The following CPVL variants were observed in gnomAD, a reference collection of about 807,000 sequenced individuals.
CPVL encodes probable serine carboxypeptidase CPVL.
Under a neutral mutation model 63.7 loss-of-function variants are expected in CPVL, and 51 were observed. The observed-to-expected ratio is 0.80, with a 90% CI of 0.64 to 1.01. The LOEUF (loss-of-function observed/expected upper bound fraction) is 1.01. Ranked by LOEUF, CPVL falls within the 50% of genes least tolerant of loss-of-function variation. The pLI, the probability that CPVL is intolerant of heterozygous loss-of-function variation, is 0.00. For missense variants in CPVL, 530 were observed against 573.1 expected (o/e 0.92, Z 0.77); for synonymous variants, 195 against 206.0 (o/e 0.95, Z 0.46).
At chr7:29,141,085 T>G (rs1422216933) in intron 1 of CPVL, among the ~76,000 whole-genome samples, 1 of 152,168 alleles carries the variant, frequency 6.6e-6, no homozygotes, top group Non-Finnish European at 1.5e-5. Flanking sequence ...CTGCCAATTG[T>G]GCAACAACCA....
At chr7:29,107,484 TG>T in intron 3 of CPVL, among the ~76,000 whole-genome samples, 1 of 152,344 alleles carries the variant, frequency 6.6e-6, no homozygotes, top group South Asian at 2.1e-4. Context: ...ATGAGAGAAC[TG>T]AGGCCCAGAG....
chr7:29,061,830 C>A lies in CPVL; in HGVS notation c.1137+2231G>T, dbSNP rs144822499. 1.0e-2 allele frequency among the ~76,000 whole-genome samples: 1,512 copies of A among 151,854 alleles called. 31 individuals are homozygous for A. The highest frequency in any genetic ancestry group is 0.033 in the African/African-American group (1,376 of 41,348). On this transcript the variant is annotated intron_variant, in intron 11 of 12. Transcript: ENST00000265394. ...GCATGGTGGCACATGCCTATAATCCCAGCTACTTGAGAGGCTGAGGCAGGA... is the reference window on the plus strand; with the variant it reads ...GCATGGTGGCACATGCCTATAATCCAAGCTACTTGAGAGGCTGAGGCAGGA...
chr7:29,041,788 C>A (rs1484972541), intron 11 of CPVL, among the ~76,000 whole-genome samples: 1 of 152,080 alleles, frequency 6.6e-6, no homozygotes, highest in South Asian at 2.1e-4. Context: ...CTAAGATACA[C>A]ACAGGATTCT....
At chr7:29,095,609 C>G (rs1052336157) in intron 4 of CPVL, among the ~76,000 whole-genome samples, 1 of 142,730 alleles carries the variant, frequency 7.0e-6, no homozygotes, top group African/African-American at 2.6e-5. Flanking sequence ...AAAAAAAAAA[C>G]AAAATGAGAT....
At chr7:29,125,935 C>G (rs971405640) in intron 1 of CPVL, among the ~76,000 whole-genome samples, 5 of 152,210 alleles carry the variant, frequency 3.3e-5, no homozygotes, top group South Asian at 2.1e-4. Context: ...CTTGGTAAGA[C>G]AGTAACTTCT....
chr7:29,102,295 G>A (rs1225950261), intron 3 of CPVL, among the ~76,000 whole-genome samples: 20 of 152,092 alleles, frequency 1.3e-4, no homozygotes, highest in Non-Finnish European at 1.0e-4. Context: ...ACAGTGCCTG[G>A]CACATCTATT....
At chr7:29,116,049 C>T (rs772486669) in intron 2 of CPVL, among the ~76,000 whole-genome samples, 7 of 152,114 alleles carry the variant, frequency 4.6e-5, no homozygotes, top group Admixed American at 6.5e-5. Flanking sequence ...CCTTGGGACT[C>T]GGCATGCTGA....
intron 2 of CPVL, among the ~76,000 whole-genome samples, chr7:29,118,746 T>C (rs552631375): frequency 3.9e-5 from 6 of 152,282 alleles, no homozygotes; most frequent in East Asian, 3.9e-4. Context: ...CTTTATAGAG[T>C]ATTTAGATTT....
intron 12 of CPVL, among the ~76,000 whole-genome samples, chr7:29,016,619 ACGGGCCTGAGGGCTC>A (rs1786438626): frequency 6.6e-6 from 1 of 152,158 alleles, no homozygotes; most frequent in Non-Finnish European, 1.5e-5. Context: ...GTGGCAGACC[ACGGGCCTGAGGGCTC>A]CATATACTAA....
chr7:29,194,173 G>A (rs1342240848), intron 1 of CPVL: 2 of 150,624 alleles, frequency 1.3e-5, no homozygotes, highest in African/African-American at 4.9e-5. Context: ...GGCGCGGTGA[G>A]CCCCACCACC....
intron 3 of CPVL, among the ~76,000 whole-genome samples, chr7:29,102,645 G>T (rs1787268938): frequency 6.6e-6 from 1 of 152,160 alleles, no homozygotes; most frequent in African/African-American, 2.4e-5. Context: ...AGCAACAGAA[G>T]AGGGTCGGCC....
At chr7:29,101,092 G>A (rs62444088) in intron 3 of CPVL, among the ~76,000 whole-genome samples, 3,670 of 152,250 alleles carry the variant, frequency 0.024, 65 homozygotes, top group Non-Finnish European at 0.038. Context: ...TGTCAATTGT[G>A]AGAATGCAGC....
intron 1 of CPVL, among the ~76,000 whole-genome samples, chr7:29,123,180 C>G (rs960426635): frequency 6.6e-6 from 1 of 152,096 alleles, no homozygotes; most frequent in African/African-American, 2.4e-5. Flanking sequence ...TAACGACATG[C>G]TTATTACAAC....
At position 29,086,292 on chromosome 7, in the gene CPVL, T is replaced by TA. The variant is rs200152508; in HGVS notation, c.609+191dup. 8.8e-3 allele frequency among the ~76,000 whole-genome samples: 1,064 copies of TA among 121,596 alleles called. 16 individuals are homozygous for TA. Among genetic ancestry groups the TA allele is most frequent in the African/African-American group, 0.026 (981 of 38,208 alleles). 79.8% of individuals were successfully genotyped at this position (121,596 alleles called of 152,430 possible). A position where few individuals can be genotyped will look rare whatever the true frequency, so the allele number is the denominator to read the frequency against. On this transcript the variant is annotated intron_variant, in intron 7 of 12. Coordinates refer to ENST00000265394, the MANE Select transcript of CPVL (RefSeq NM_031311.5). ...TTGGCAACAAGAGCAAAACTCCAAC[T>TA]AAAAAAAAATATATATATATATGAA...
chr7:29,032,968 G>C (rs992671437), intron 11 of CPVL, among the ~76,000 whole-genome samples: 4 of 152,168 alleles, frequency 2.6e-5, no homozygotes, highest in Non-Finnish European at 5.9e-5. Context: ...TGTTAGTCAA[G>C]ACTTATCATA....
At chr7:29,148,965 G>A (rs1303381728), upstream of CPVL, among the ~76,000 whole-genome samples, 1 of 152,132 alleles carries the variant, frequency 6.6e-6, no homozygotes, top group African/African-American at 2.4e-5. Context: ...TAGCCACTGA[G>A]GGGAAAGGTG....
intron 2 of CPVL, among the ~76,000 whole-genome samples, chr7:29,116,372 TCC>T (rs1788780570): frequency 6.6e-6 from 1 of 152,234 alleles, no homozygotes; most frequent in African/African-American, 2.4e-5. Flanking sequence ...GTCCTGTGCA[TCC>T]TTCTATTAAT....
chr7:29,003,622 G>A (rs1784881906), intron 12 of CPVL, among the ~76,000 whole-genome samples: 1 of 152,154 alleles, frequency 6.6e-6, no homozygotes, highest in Admixed American at 6.5e-5. Context: ...CTATGTAGAA[G>A]TTTTTCAAAA....
intron 10 of CPVL, among the ~76,000 whole-genome samples, chr7:29,065,413 C>T (rs1359559837): frequency 6.6e-6 from 1 of 152,112 alleles, no homozygotes; most frequent in Non-Finnish European, 1.5e-5. Context: ...AAGCATTAGA[C>T]AAAGATTATA....
Sources: allele counts gnomAD v4.1 joint callset (sites outside exome capture counted in the v4.1 genomes callset), GRCh38; gene constraint gnomAD v4.1.1; transcripts MANE v1.5; gene names NCBI Gene and HGNC (gene_info 2026-07-23, HGNC 2026-07-21).